The following GULP1 variants were observed in gnomAD, a reference collection of about 807,000 sequenced individuals.
GULP1 encodes the protein PTB domain-containing engulfment adapter protein 1.
In GULP1, 19 loss-of-function variants were observed where a neutral mutation model predicts 40.9. The ratio of observed to expected loss-of-function variants is 0.46; its 90% CI spans 0.32 to 0.68. The LOEUF is 0.68. Among genes scored for constraint, GULP1 ranks in the 30% least tolerant of loss-of-function variants. GULP1 has a pLI of 0.03. For synonymous variants in GULP1, 119 were observed against 117.6 expected, an observed-to-expected ratio of 1.01 and a Z score of -0.08; for missense variants, 312 against 362.2, an observed-to-expected ratio of 0.86 and a Z score of 1.12.
At chr2:188,560,981 G>A (rs933288764) in intron 7 of GULP1, among the ~76,000 whole-genome samples, 7 of 152,172 alleles carry the variant, frequency 4.6e-5, no homozygotes, top group Non-Finnish European at 1.0e-4. Flanking sequence ...TCTAATACTG[G>A]AGATTACAAT....
At chr2:188,382,929 GATCT>G (rs2049187315) in intron 1 of GULP1, among the ~76,000 whole-genome samples, 1 of 152,108 alleles carries the variant, frequency 6.6e-6, no homozygotes, top group Admixed American at 6.6e-5. Flanking sequence ...TAATATTTGA[GATCT>G]ATCTAAGAAA....
At chr2:188,339,241 G>T (rs979716508) in intron 1 of GULP1, among the ~76,000 whole-genome samples, 4 of 152,216 alleles carry the variant, frequency 2.6e-5, no homozygotes, top group Non-Finnish European at 4.4e-5. Flanking sequence ...GACTTGAAAT[G>T]TCTTTGTGTG....
chr2:188,359,691 T>G (rs1334439175), intron 1 of GULP1, among the ~76,000 whole-genome samples: 4 of 152,158 alleles, frequency 2.6e-5, no homozygotes, highest in Non-Finnish European at 5.9e-5. Flanking sequence ...TGATGTACTA[T>G]TAGTTATTGC....
intron 1 of GULP1, among the ~76,000 whole-genome samples, chr2:188,312,897 G>T (rs958486756): frequency 3.9e-5 from 6 of 152,092 alleles, no homozygotes; most frequent in African/African-American, 1.4e-4. Flanking sequence ...TCACATGCTT[G>T]TTGGCCGCAT....
At chr2:188,562,841 C>CT (rs796083242) in intron 7 of GULP1, among the ~76,000 whole-genome samples, 1 of 152,196 alleles carries the variant, frequency 6.6e-6, no homozygotes, top group East Asian at 1.9e-4. Context: ...CATATATTGT[C>CT]TAACTACAAA....
At chr2:188,541,053 A>T in intron 6 of GULP1, 128 bp from the exon 7 acceptor site, 1 of 776,964 alleles carries the variant, frequency 1.3e-6, no homozygotes, top group South Asian at 1.8e-5. Flanking sequence ...GGTGTACATA[A>T]TTATAAAATC....
intron 2 of GULP1, among the ~76,000 whole-genome samples, chr2:188,428,750 A>C (rs2056517531): frequency 6.6e-6 from 1 of 152,098 alleles, no homozygotes; most frequent in South Asian, 2.1e-4. Context: ...TTTTCTTTAT[A>C]ATTTAACCAG....
chr2:188,295,878 T>C (rs2034802594), intron 1 of GULP1, among the ~76,000 whole-genome samples: 1 of 152,100 alleles, frequency 6.6e-6, no homozygotes, highest in Admixed American at 6.5e-5. Flanking sequence ...TACCTTTCAT[T>C]TTAAATTAGA....
At chr2:188,432,653 C>G (rs189556300) in intron 2 of GULP1, among the ~76,000 whole-genome samples, 1 of 151,818 alleles carries the variant, frequency 6.6e-6, no homozygotes, top group Non-Finnish European at 1.5e-5. Flanking sequence ...ACTGCTTAAT[C>G]AATAAATTCA....
intron 4 of GULP1, 113 bp downstream of exon 4, chr2:188,483,605 A>C (rs1291531134): frequency 2.3e-6 from 1 of 435,864 alleles, no homozygotes. Flanking sequence ...GATTCCTGAA[A>C]AAAGTTTACA....
chr2:188,401,149 G>C (rs2052224527), intron 2 of GULP1, among the ~76,000 whole-genome samples: 1 of 151,826 alleles, frequency 6.6e-6, no homozygotes, highest in Admixed American at 6.6e-5. Context: ...GAAATTGTTA[G>C]AGAATTGAAA....
chr2:188,339,266 G>T (rs1256363084), intron 1 of GULP1, among the ~76,000 whole-genome samples: 6 of 152,192 alleles, frequency 3.9e-5, no homozygotes, highest in Non-Finnish European at 8.8e-5. Flanking sequence ...GTTATCATTA[G>T]ACTTATGCAG....
chr2:188,296,801 A>G (rs1344173719), intron 1 of GULP1, among the ~76,000 whole-genome samples: 1 of 151,992 alleles, frequency 6.6e-6, no homozygotes, highest in Non-Finnish European at 1.5e-5. Context: ...GTTTTTTGCT[A>G]TTAACATTAT....
rs752728733 is a variant in GULP1 at position 188,378,525 on chromosome 2, A to C, written c.-171-5238A>C. ...ACGTTTATTTGGCTCATGGTTCTGCAAGCTATATACGACACATGGTGCCAC... is the reference window on the plus strand; with the variant it reads ...ACGTTTATTTGGCTCATGGTTCTGCCAGCTATATACGACACATGGTGCCAC... On this transcript the variant is annotated intron_variant, in intron 1 of 11. Coordinates refer to ENST00000409830, the MANE Select transcript of GULP1 (RefSeq NM_016315.4). Among the ~76,000 whole-genome samples the C allele has an allele frequency of 2.0e-4, 31 of 152,314 alleles. No homozygotes were observed. In the Middle Eastern group the frequency reaches 0.01, roughly 50 times the overall value.
intron 4 of GULP1, among the ~76,000 whole-genome samples, chr2:188,488,725 T>C (rs1240069568): frequency 6.6e-6 from 1 of 152,060 alleles, no homozygotes; most frequent in Non-Finnish European, 1.5e-5. Flanking sequence ...TTGGTGGAAT[T>C]ATATGCAAGA....
chr2:188,565,940 C>G lies in GULP1; in HGVS notation c.400-3299C>G, dbSNP rs114791725. ...CAGACACAAAATAATACATATTAGT[C>G]TATTTTTATAGATATCAAGGACAGG... On this transcript the variant is annotated intron_variant, in intron 7 of 11. Transcript: ENST00000409830. 4.4e-3 allele frequency among the ~76,000 whole-genome samples: 669 copies of G among 152,048 alleles called. 3 individuals carry two copies. Among genetic ancestry groups the G allele is most frequent in the Admixed American group, 9.2e-3 (140 of 15,262 alleles).
chr2:188,535,288 C>G lies in GULP1; in HGVS notation c.262-5893C>G, dbSNP rs563272333. On this transcript the variant is annotated intron_variant, in intron 6 of 11. Transcript: ENST00000409830. ...TTTGGCATATGAATGATTCCATCAC[C>G]CAGATAGTGAGCACAGTACCCAATA... Among the ~76,000 whole-genome samples the G allele has an allele frequency of 1.3e-4, 20 of 152,032 alleles. No homozygotes were observed. The South Asian group carries it at 3.7e-3, about 28-fold the overall frequency.
chr2:188,296,555 G>T (rs1053799430), intron 1 of GULP1, among the ~76,000 whole-genome samples: 1 of 138,032 alleles, frequency 7.2e-6, no homozygotes, highest in Non-Finnish European at 1.5e-5. Context: ...AATTAGTTTT[G>T]TCTTTCAGTG....
At chr2:188,572,994 A>G (rs539319569) in intron 9 of GULP1, among the ~76,000 whole-genome samples, 1 of 152,320 alleles carries the variant, frequency 6.6e-6, no homozygotes, top group Admixed American at 6.5e-5. Flanking sequence ...AATTGCCAAG[A>G]GTAGTTTTAA....
Sources: gnomAD v4.1 joint callset for allele counts (sites outside exome capture counted in the v4.1 genomes callset) on GRCh38, gnomAD v4.1.1 for gene constraint, MANE v1.5 for transcripts, NCBI Gene and HGNC (gene_info 2026-07-23, HGNC 2026-07-21) for gene names.